Variants in DOK6 observed in about 807,000 individuals in gnomAD.
DOK6 encodes downstream of tyrosine kinase 6.
In DOK6, 22 loss-of-function variants were observed where a neutral mutation model predicts 44.0. That is an observed-to-expected ratio of 0.50 (90% CI 0.36 to 0.71). The LOEUF is 0.71. DOK6 is among the 30% of genes least tolerant of loss of function. DOK6 has a pLI of 0.00. For missense variants in DOK6, 340 were observed against 416.4 expected (o/e 0.82, Z 1.60); for synonymous variants, 166 against 145.5 (o/e 1.14, Z -1.01).
At chr18:69,794,235 A>G in intron 7 of DOK6, among the ~76,000 whole-genome samples, 1 of 152,102 alleles carries the variant, frequency 6.6e-6, no homozygotes, top group East Asian at 1.9e-4. Flanking sequence ...GTTCAGTTAT[A>G]CATAATTCTA....
intron 3 of DOK6, among the ~76,000 whole-genome samples, chr18:69,647,104 G>T (rs1210849601): frequency 8.7e-6 from 1 of 115,294 alleles, no homozygotes; most frequent in Non-Finnish European, 2.0e-5. Flanking sequence ...TATCCTATCT[G>T]TCTATCTATC....
chr18:69,640,232 C>T (rs961865552), intron 3 of DOK6, among the ~76,000 whole-genome samples: 2 of 152,170 alleles, frequency 1.3e-5, no homozygotes, highest in South Asian at 2.1e-4. Flanking sequence ...TCTGGTATTC[C>T]TCACTCTTTG....
chr18:69,423,634 G>A (rs1240232004), intron 1 of DOK6, among the ~76,000 whole-genome samples: 1 of 152,218 alleles, frequency 6.6e-6, no homozygotes, highest in Admixed American at 6.5e-5. Context: ...ATGTGTGTAT[G>A]TTCACTTTAC....
chr18:69,476,218 T>C (rs1295161146), intron 1 of DOK6, among the ~76,000 whole-genome samples: 1 of 152,188 alleles, frequency 6.6e-6, no homozygotes, highest in Non-Finnish European at 1.5e-5. Flanking sequence ...TCACAGGCAG[T>C]TTTTTTGTGA....
intron 6 of DOK6, among the ~76,000 whole-genome samples, chr18:69,741,273 C>T (rs531601343): frequency 2.6e-5 from 4 of 152,208 alleles, no homozygotes; most frequent in Non-Finnish European, 5.9e-5. Context: ...TGATTTAATT[C>T]AGAAATAATT....
chr18:69,447,945 T>C (rs1979343499), intron 1 of DOK6, among the ~76,000 whole-genome samples: 1 of 152,226 alleles, frequency 6.6e-6, no homozygotes, highest in Non-Finnish European at 1.5e-5. Context: ...TGAGAATGTA[T>C]TGGTTCAGAC....
intron 1 of DOK6, among the ~76,000 whole-genome samples, chr18:69,558,181 A>T (rs531485205): frequency 6.6e-6 from 1 of 152,220 alleles, no homozygotes; most frequent in Non-Finnish European, 1.5e-5. Flanking sequence ...ACACTCTCAC[A>T]TAAGGCATCA....
At chr18:69,797,125 A>G (rs539942684) in intron 7 of DOK6, among the ~76,000 whole-genome samples, 70 of 152,168 alleles carry the variant, frequency 4.6e-4, no homozygotes, top group Non-Finnish European at 8.4e-4. Context: ...TTAGAAAGCA[A>G]TACTTTACAC....
At chr18:69,438,574 A>G (rs895121548) in intron 1 of DOK6, among the ~76,000 whole-genome samples, 8 of 152,168 alleles carry the variant, frequency 5.3e-5, no homozygotes, top group Non-Finnish European at 1.0e-4. Flanking sequence ...GACCTCCTCC[A>G]ATGAATCAGA....
chr18:69,625,010 A>G (rs916162925), intron 3 of DOK6, among the ~76,000 whole-genome samples: 7 of 152,164 alleles, frequency 4.6e-5, no homozygotes, highest in Non-Finnish European at 1.0e-4. Flanking sequence ...TTATGAAAAT[A>G]TATTGAAAGT....
chr18:69,829,244 G>T (rs181882131), intron 7 of DOK6, among the ~76,000 whole-genome samples: 145 of 106,206 alleles, frequency 1.4e-3, no homozygotes, highest in African/African-American at 3.9e-3. Context: ...AGAGACTTTG[G>T]TTCCTTAATT....
chr18:69,671,285 G>A (rs1049145944), intron 3 of DOK6, among the ~76,000 whole-genome samples: 1 of 152,208 alleles, frequency 6.6e-6, no homozygotes, highest in African/African-American at 2.4e-5. Context: ...CATAAAAGAA[G>A]TAGCAGAATA....
rs1982178271 is a variant in DOK6, at chr18:69,538,403, G to A, written c.67-26084G>A. On this transcript the variant is annotated intron_variant, in intron 1 of 7. Coordinates refer to ENST00000382713, the MANE Select transcript of DOK6 (RefSeq NM_152721.6). Reference sequence around the variant, plus strand: ...TTTCTCCTTTTTTTTTCCCCTCTGAGACAGGGTCTTGCTCTGTTACCCGGG... The same window carrying A: ...TTTCTCCTTTTTTTTTCCCCTCTGAAACAGGGTCTTGCTCTGTTACCCGGG... Among the ~76,000 whole-genome samples, 3 of 151,696 alleles carry A rather than the reference G, an allele frequency of 2.0e-5. No individual in the cohort carries two copies. The South Asian group carries it at 6.3e-4, about 32-fold the overall frequency.
rs1054490275 is a variant in DOK6 at position 69,805,020 on chromosome 18, G to A, written c.857-36224G>A. Among the ~76,000 whole-genome samples the A allele has an allele frequency of 2.0e-5, 3 of 152,294 alleles. No individual in the cohort carries two copies. In the East Asian group the frequency reaches 5.8e-4, roughly 29 times the overall value. ...AGTAAGGTGGAGTCCTTGTACTGTGGAAGCAAAGGCAGTAATTCCCAGCAA... is the reference window on the plus strand; with the variant it reads ...AGTAAGGTGGAGTCCTTGTACTGTGAAAGCAAAGGCAGTAATTCCCAGCAA... On this transcript the variant is annotated intron_variant, in intron 7 of 7. Transcript: ENST00000382713.
At chr18:69,594,260 A>G (rs1454633332) in intron 2 of DOK6, among the ~76,000 whole-genome samples, 2 of 152,000 alleles carry the variant, frequency 1.3e-5, no homozygotes, top group African/African-American at 4.8e-5. Context: ...TTGTATACAC[A>G]TACATGTACA....
At chr18:69,445,620 A>G (rs1979263166) in intron 1 of DOK6, among the ~76,000 whole-genome samples, 1 of 152,126 alleles carries the variant, frequency 6.6e-6, no homozygotes, top group African/African-American at 2.4e-5. Context: ...TCATATGTTG[A>G]ACCACTCTTT....
rs1385741126 is a variant in DOK6, at chr18:69,514,074, G to A, written c.67-50413G>A. Among the ~76,000 whole-genome samples the A allele has an allele frequency of 3.9e-5, 6 of 152,054 alleles. No homozygotes were observed. In the South Asian group the frequency reaches 1.2e-3, roughly 32 times the overall value. Reference sequence around the variant, plus strand: ...AATCAATATATGCAAAATGAACAATGTAAGATCCTTTTTCATTTAGATTTT... The same window carrying A: ...AATCAATATATGCAAAATGAACAATATAAGATCCTTTTTCATTTAGATTTT... On this transcript the variant is annotated intron_variant, in intron 1 of 7. Coordinates refer to ENST00000382713, the MANE Select transcript of DOK6 (RefSeq NM_152721.6).
chr18:69,482,577 C>T (rs1980458717), intron 1 of DOK6, among the ~76,000 whole-genome samples: 1 of 151,852 alleles, frequency 6.6e-6, no homozygotes, highest in Admixed American at 6.6e-5. Context: ...CTGAAGCTGC[C>T]CATTACCAAA....
intron 7 of DOK6, among the ~76,000 whole-genome samples, chr18:69,810,610 A>G (rs1294186441): frequency 6.6e-6 from 1 of 152,022 alleles, no homozygotes; most frequent in East Asian, 1.9e-4. Flanking sequence ...GAACTCAAAC[A>G]ACTAAAAAGC....
Sources: gnomAD v4.1 joint callset for allele counts (sites outside exome capture counted in the v4.1 genomes callset) on GRCh38, gnomAD v4.1.1 for gene constraint, MANE v1.5 for transcripts, NCBI Gene and HGNC (gene_info 2026-07-23, HGNC 2026-07-21) for gene names.